DSG2: variants seen among roughly 807,000 people sequenced by gnomAD.
DSG2 encodes the protein desmoglein 2, also known as desmoglein-2.
A neutral mutation model predicts 75.6 loss-of-function variants in DSG2; 45 were observed. The observed-to-expected ratio is 0.60, with a 90% CI of 0.47 to 0.76. DSG2 has a LOEUF of 0.76. Among genes scored for constraint, DSG2 ranks in the 30% least tolerant of loss-of-function variants. DSG2 has a pLI of 0.00. For synonymous variants in DSG2, 429 were observed against 483.9 expected (o/e 0.89, Z 1.49); for missense variants, 1,267 against 1,357.4 (o/e 0.93, Z 1.05).
At chr18:31,520,413 T>C (rs567504162) in intron 3 of DSG2, among the ~76,000 whole-genome samples, 1 of 152,346 alleles carries the variant, frequency 6.6e-6, no homozygotes, top group Non-Finnish European at 1.5e-5. Context: ...TATGTGATAG[T>C]GTTGCTACTC....
Position 31,531,246 on chromosome 18 carries a change from A to G in DSG2, c.1274A>G (p.His425Arg), listed in dbSNP as rs746180213. ...AFDEDTGLPA[H>R]ARYVKLEDRD... ...GATGAGGACACTGGACTACCAGCCC[A>G]TGCAAGGTAAGAGAGAGTGACACGT... The change falls in exon 9 of 15, where the codon CAT becomes CGT. Residue 425 changes from histidine (H) to arginine (R), a missense_variant. By Grantham distance (29) the His-to-Arg change is conservative (BLOSUM62 0). Transcript: ENST00000261590. 3.7e-6 allele frequency: 6 copies of G among 1,614,184 alleles called. No individual in the cohort carries two copies. The highest frequency in any genetic ancestry group is 5.1e-6 in the Non-Finnish European group (6 of 1,179,996).
intron 1 of DSG2, among the ~76,000 whole-genome samples, chr18:31,509,523 G>T (rs1351699828): frequency 2.0e-5 from 3 of 151,864 alleles, no homozygotes; most frequent in Admixed American, 2.0e-4. Flanking sequence ...TAAATGTCTA[G>T]ATCATCTGTA....
At chr18:31,517,953 TGA>T (rs1455898453) in intron 1 of DSG2, among the ~76,000 whole-genome samples, 2 of 152,150 alleles carry the variant, frequency 1.3e-5, no homozygotes, top group Non-Finnish European at 2.9e-5. Context: ...GAGTAAAGGA[TGA>T]GAGAATGTCT....
intron 9 of DSG2, among the ~76,000 whole-genome samples, chr18:31,534,333 C>T (rs940471664): frequency 6.6e-6 from 1 of 152,032 alleles, no homozygotes; most frequent in African/African-American, 2.4e-5. Context: ...TTGCCTTGCT[C>T]TCCCAGCATT....
At chr18:31,530,154 T>A (rs2073185945) in intron 8 of DSG2, among the ~76,000 whole-genome samples, 1 of 151,764 alleles carries the variant, frequency 6.6e-6, no homozygotes, top group African/African-American at 2.4e-5. Flanking sequence ...AAGAGGAGAG[T>A]GGGGTTCTTT....
intron 8 of DSG2, among the ~76,000 whole-genome samples, chr18:31,528,052 A>G (rs564988616): frequency 3.3e-5 from 5 of 152,346 alleles, no homozygotes; most frequent in Non-Finnish European, 7.3e-5. Context: ...AATAGCAATC[A>G]AAAAGATTGA....
At chr18:31,508,349 C>T (rs1164656089) in intron 1 of DSG2, among the ~76,000 whole-genome samples, 2 of 148,208 alleles carry the variant, frequency 1.3e-5, no homozygotes, top group African/African-American at 5.0e-5. Context: ...TACTGAACTG[C>T]CTGATTTATT....
rs116710070 is a variant in DSG2, at chr18:31,510,954, A to G, written c.46-7285A>G. Among the ~76,000 whole-genome samples, 925 of 152,284 alleles carry G rather than the reference A, an allele frequency of 6.1e-3. 12 individuals carry two copies. The highest frequency in any genetic ancestry group is 0.021 in the African/African-American group (891 of 41,560). On this transcript the variant is annotated intron_variant, in intron 1 of 14. Coordinates refer to ENST00000261590, the MANE Select transcript of DSG2 (RefSeq NM_001943.5). Reference sequence around the variant, plus strand: ...CCTCCCATGCTTGAAACCTCTTCACAGCATCCCCACAGGAGGTGACTCAAA... The same window carrying G: ...CCTCCCATGCTTGAAACCTCTTCACGGCATCCCCACAGGAGGTGACTCAAA...
intron 1 of DSG2, 136 bp downstream of exon 1, chr18:31,498,432 G>A (rs951062240): frequency 2.0e-6 from 2 of 993,556 alleles, no homozygotes; most frequent in Non-Finnish European, 2.6e-6. Flanking sequence ...TGCCCGAGGG[G>A]GGAAAAGGGC....
chr18:31,513,354 A>G (rs2848680), intron 1 of DSG2, among the ~76,000 whole-genome samples: 81,883 of 152,036 alleles, frequency 0.54, 23,742 homozygotes, highest in African/African-American at 0.77. Context: ...CTTAAATAGG[A>G]AGGTTATGCA....
intron 1 of DSG2, among the ~76,000 whole-genome samples, chr18:31,516,366 G>A (rs946872098): frequency 1.3e-5 from 2 of 152,140 alleles, no homozygotes; most frequent in Non-Finnish European, 2.9e-5. Context: ...AAGAAGGGAA[G>A]GAGAGGATGA....
chr18:31,544,118 A>C (rs1431970190), intron 14 of DSG2, among the ~76,000 whole-genome samples: 1 of 152,214 alleles, frequency 6.6e-6, no homozygotes, highest in African/African-American at 2.4e-5. Context: ...ATGAAAGAAC[A>C]AGTGACAGAA....
At position 31,512,080 on chromosome 18, in the gene DSG2, C is replaced by T. The variant is rs147585275; in HGVS notation, c.46-6159C>T. 5.5e-4 allele frequency among the ~76,000 whole-genome samples: 84 copies of T among 152,274 alleles called. No individual in the cohort carries two copies. The East Asian group carries it at 7.1e-3, about 13-fold the overall frequency. ...CTGATGACTCCCAAATTTTTATCTC[C>T]GGGCATAACTTCTTTTCTGAGCTAC... On this transcript the variant is annotated intron_variant, in intron 1 of 14. Coordinates refer to ENST00000261590, the MANE Select transcript of DSG2 (RefSeq NM_001943.5).
chr18:31,518,102 T>C (rs972279897), intron 1 of DSG2, 137 bp from the exon 2 acceptor site: 2 of 687,900 alleles, frequency 2.9e-6, no homozygotes, highest in Non-Finnish European at 5.0e-6. Context: ...ATTAGTTTCC[T>C]CTTGACAAAG....
chr18:31,546,127 C>G lies in DSG2; in HGVS notation c.2741C>G (p.Ser914Cys), dbSNP rs771214695. The G allele has an allele frequency of 1.2e-6, 2 of 1,614,068 alleles. No homozygotes were observed. The highest frequency in any genetic ancestry group is 1.7e-6 in the Non-Finnish European group (2 of 1,180,048). Residue 914 changes from serine to cysteine, a missense_variant, in exon 15 of 15, where the codon TCT becomes TGT. Transcript: ENST00000261590. The stretch of plus-strand genomic sequence containing the variant: ...ATAGTCACTGAAAGATCTGTGTCTT[C>G]TAGGCAGGCGCAAAAGGTAGCTACA... ...QEIVTERSVS[S>C]RQAQKVATPL...
At position 31,545,789 on chromosome 18, in the gene DSG2, G is replaced by T; in HGVS notation, c.2403G>T (p.Gln801His). ...TAKDCLLVYS[Q>H]EETESLNASI... ...AAGATTGCCTTCTGGTTTATTCTCA[G>T]GAAGAAACTGAATCGCTGAATGCTT... Residue 801 changes from glutamine to histidine, a missense_variant, in exon 15 of 15, where the codon CAG becomes CAT. Gln to His is a conservative substitution (Grantham distance 24). Transcript: ENST00000261590. 1 of 1,614,134 alleles carries T rather than the reference G, an allele frequency of 6.2e-7. No homozygotes were observed. Among genetic ancestry groups the T allele is most frequent in the Non-Finnish European group, 8.5e-7 (1 of 1,180,024 alleles).
chr18:31,507,571 A>G (rs1340844980), intron 1 of DSG2, among the ~76,000 whole-genome samples: 1 of 152,178 alleles, frequency 6.6e-6, no homozygotes, highest in African/African-American at 2.4e-5. Flanking sequence ...CTATTTCTCC[A>G]TATCCTCTCC....
At chr18:31,536,148 C>T (rs2073228513) in intron 10 of DSG2, 54 bp from the exon 11 acceptor site, 3 of 1,555,934 alleles carry the variant, frequency 1.9e-6, no homozygotes, top group Non-Finnish European at 2.6e-6. Context: ...CAAACTATGT[C>T]TGTTGTCAGC....
chr18:31,545,014 G>A (rs16962089), intron 14 of DSG2, among the ~76,000 whole-genome samples: 1 of 152,134 alleles, frequency 6.6e-6, no homozygotes, highest in East Asian at 1.9e-4. Context: ...CCACCTTCAA[G>A]TATTAGCTTA....
Sources: gnomAD v4.1 joint callset for allele counts (sites outside exome capture counted in the v4.1 genomes callset) on GRCh38, gnomAD v4.1.1 for gene constraint, MANE v1.5 for transcripts, NCBI Gene and HGNC (gene_info 2026-07-23, HGNC 2026-07-21) for gene names.